The following IL1RAPL1 variants were observed in gnomAD, a reference collection of about 807,000 sequenced individuals.
IL1RAPL1 encodes the protein interleukin 1 receptor accessory protein like 1.
IL1RAPL1 carries 3 observed loss-of-function variants against 48.4 expected under a neutral mutation model. The ratio of observed to expected loss-of-function variants is 0.06; its 90% CI spans 0.03 to 0.16. IL1RAPL1 has a LOEUF of 0.16. Ranked by LOEUF, IL1RAPL1 falls within the 10% of genes least tolerant of loss-of-function variation. The probability of loss-of-function intolerance (pLI) is 1.00; values close to 1 mark genes in which losing one functional copy is unlikely to be tolerated. For missense variants in IL1RAPL1, 349 were observed against 530.6 expected, an observed-to-expected ratio of 0.66 and a Z score of 3.36; for synonymous variants, 185 against 187.7, an observed-to-expected ratio of 0.99 and a Z score of 0.12.
intron 1 of IL1RAPL1, among the ~76,000 whole-genome samples, chrX:28,741,197 T>C (rs760166052): frequency 4.5e-5 from 5 of 111,750 alleles, no homozygotes; most frequent in Non-Finnish European, 9.4e-5. Flanking sequence ...TCCTCAACAA[T>C]ATCTGTTATT....
chrX:29,300,230 A>G (rs1932511828), intron 3 of IL1RAPL1, among the ~76,000 whole-genome samples: 1 of 111,902 alleles, frequency 8.9e-6, no homozygotes, highest in Admixed American at 9.5e-5. Flanking sequence ...TCTATCCCAT[A>G]CTAATTCAAA....
At chrX:29,884,598 C>G (rs1302343354) in intron 6 of IL1RAPL1, among the ~76,000 whole-genome samples, 1 of 111,369 alleles carries the variant, frequency 9.0e-6, no homozygotes, top group Non-Finnish European at 1.9e-5. Context: ...TATCTATATG[C>G]CAGTGCCTCC....
At chrX:29,399,410 T>A (rs1933960272) in intron 5 of IL1RAPL1, 102 bp downstream of exon 5, 1 of 679,222 alleles carries the variant, frequency 1.5e-6, no homozygotes, top group Admixed American at 2.7e-5. Flanking sequence ...AAGAATTACA[T>A]AATCAAATGC....
chrX:29,696,128 T>C (rs1380780744), intron 6 of IL1RAPL1, among the ~76,000 whole-genome samples: 1 of 110,965 alleles, frequency 9.0e-6, no homozygotes, highest in Non-Finnish European at 1.9e-5. Context: ...AGGGGTTATA[T>C]ACTATAGGAT....
intron 2 of IL1RAPL1, among the ~76,000 whole-genome samples, chrX:28,884,049 T>C (rs1371294387): frequency 4.5e-5 from 5 of 111,820 alleles, no homozygotes; most frequent in Admixed American, 3.8e-4. Flanking sequence ...TATGAACATA[T>C]AGCATTGGGA....
intron 2 of IL1RAPL1, among the ~76,000 whole-genome samples, chrX:29,042,504 A>G (rs1926869024): frequency 8.9e-6 from 1 of 111,971 alleles, no homozygotes; most frequent in East Asian, 2.8e-4. Flanking sequence ...ATTATCATAT[A>G]TAACATATGA....
chrX:29,085,679 A>T (rs1404496420), intron 2 of IL1RAPL1, among the ~76,000 whole-genome samples: 3 of 111,741 alleles, frequency 2.7e-5, no homozygotes, highest in Non-Finnish European at 3.8e-5. Context: ...AGCCAAATAG[A>T]AATGTGTATA....
intron 3 of IL1RAPL1, among the ~76,000 whole-genome samples, chrX:29,288,815 C>T (rs2147603537): frequency 8.9e-6 from 1 of 112,002 alleles, no homozygotes; most frequent in East Asian, 2.8e-4. Context: ...GTAACCTCGC[C>T]AGCATCTGTT....
intron 6 of IL1RAPL1, among the ~76,000 whole-genome samples, chrX:29,836,883 G>A (rs1341893016): frequency 9.0e-6 from 1 of 110,720 alleles, no homozygotes; most frequent in Non-Finnish European, 1.9e-5. Flanking sequence ...ATTTGTAAGA[G>A]TATAGTCAGA....
At chrX:29,671,282 G>A (rs913826783) in intron 6 of IL1RAPL1, among the ~76,000 whole-genome samples, 1 of 111,394 alleles carries the variant, frequency 9.0e-6, no homozygotes, top group Non-Finnish European at 1.9e-5. Context: ...GTATTTTCTT[G>A]TGTCCTGTTC....
intron 2 of IL1RAPL1, among the ~76,000 whole-genome samples, chrX:28,814,930 G>C (rs1040858431): frequency 9.2e-6 from 1 of 109,085 alleles, no homozygotes; most frequent in Non-Finnish European, 1.9e-5. Context: ...ACAGTATACT[G>C]CTATATGCAT....
chrX:29,578,185 A>G (rs993315966), intron 5 of IL1RAPL1, among the ~76,000 whole-genome samples: 6 of 112,071 alleles, frequency 5.4e-5, no homozygotes, highest in African/African-American at 1.9e-4. Context: ...GAGCAAAGAC[A>G]GTGGCTACTG....
At chrX:29,044,425 G>A (rs1318216625) in intron 2 of IL1RAPL1, among the ~76,000 whole-genome samples, 1 of 110,248 alleles carries the variant, frequency 9.1e-6, no homozygotes, top group Non-Finnish European at 1.9e-5. Context: ...GTGAGACTCC[G>A]TCTCTAAACA....
At chrX:28,880,966 T>C (rs1922488017) in intron 2 of IL1RAPL1, among the ~76,000 whole-genome samples, 1 of 111,857 alleles carries the variant, frequency 8.9e-6, no homozygotes, top group Non-Finnish European at 1.9e-5. Context: ...ATAATATTTT[T>C]AATACATGCT....
At chrX:28,850,431 C>T (rs1196038512) in intron 2 of IL1RAPL1, among the ~76,000 whole-genome samples, 2 of 100,222 alleles carry the variant, frequency 2.0e-5, no homozygotes, top group Non-Finnish European at 3.8e-5. Flanking sequence ...CTAAAACGGG[C>T]CCATTGCTGA....
chrX:28,812,483 A>C (rs905029995), intron 2 of IL1RAPL1, among the ~76,000 whole-genome samples: 41 of 110,534 alleles, frequency 3.7e-4, no homozygotes, highest in Non-Finnish European at 6.7e-4. Context: ...TGCTTGTTGT[A>C]ATTAAAATGT....
At chrX:29,337,916 C>G (rs940527239) in intron 3 of IL1RAPL1, among the ~76,000 whole-genome samples, 29 of 111,536 alleles carry the variant, frequency 2.6e-4, no homozygotes, top group African/African-American at 8.8e-4. Context: ...CTCAAGTGAT[C>G]TGCCCGCCTT....
chrX:29,257,161 C>A (rs1319005047), intron 2 of IL1RAPL1, among the ~76,000 whole-genome samples: 1 of 111,489 alleles, frequency 9.0e-6, no homozygotes, highest in Non-Finnish European at 1.9e-5. Context: ...ACATTCATTT[C>A]ATTTTTCCTT....
chrX:29,694,330 C>G (rs1349146500), intron 6 of IL1RAPL1, among the ~76,000 whole-genome samples: 1 of 111,835 alleles, frequency 8.9e-6, no homozygotes, highest in Admixed American at 9.6e-5. Flanking sequence ...ATTGTTAGAG[C>G]AAGAGATTTC....
Sources: gnomAD v4.1 joint callset for allele counts (sites outside exome capture counted in the v4.1 genomes callset) on GRCh38, gnomAD v4.1.1 for gene constraint, MANE v1.5 for transcripts, NCBI Gene and HGNC (gene_info 2026-07-23, HGNC 2026-07-21) for gene names.